Variants in ST6GAL1 observed in about 807,000 individuals in gnomAD.
The protein encoded by ST6GAL1 is beta-galactoside alpha-2,6-sialyltransferase 1.
Under a neutral mutation model 38.0 loss-of-function variants are expected in ST6GAL1, and 20 were observed. That is an observed-to-expected ratio of 0.53 (90% CI 0.37 to 0.77). The LOEUF (loss-of-function observed/expected upper bound fraction) is 0.77. ST6GAL1 is among the 30% of genes least tolerant of loss of function. ST6GAL1 has a pLI of 0.00. For synonymous variants in ST6GAL1, 196 were observed against 188.2 expected, an observed-to-expected ratio of 1.04 and a Z score of -0.34; for missense variants, 432 against 496.4, an observed-to-expected ratio of 0.87 and a Z score of 1.23.
chr3:187,026,988 G>T (rs1164670116), intron 2 of ST6GAL1, among the ~76,000 whole-genome samples: 1 of 151,852 alleles, frequency 6.6e-6, no homozygotes, highest in African/African-American at 2.4e-5. Flanking sequence ...GGCAGAGCTT[G>T]CAGTGAGCCG....
chr3:186,948,142 C>T (rs932488592), intron 1 of ST6GAL1, among the ~76,000 whole-genome samples: 3 of 152,118 alleles, frequency 2.0e-5, no homozygotes, highest in South Asian at 2.1e-4. Context: ...AGAGTTGCGT[C>T]GGGATGGCTG....
chr3:187,024,493 TAGAGAGAGAG>T lies in ST6GAL1; in HGVS notation c.-182-14228_-182-14219del, dbSNP rs61165191. On this transcript the variant is annotated intron_variant, in intron 2 of 7. Transcript: ENST00000169298. Reference sequence around the variant, plus strand: ...ATATGTGTATATATATATATATATATAGAGAGAGAGAGAGAGAGAGAGAGAGAGAGTATAT... The same window carrying T: ...ATATGTGTATATATATATATATATATAGAGAGAGAGAGAGAGAGAGTATAT... Among the ~76,000 whole-genome samples, 327 of 85,786 alleles carry T rather than the reference TAGAGAGAGAG, an allele frequency of 3.8e-3. 1 individual carries two copies. The highest frequency in any genetic ancestry group is 0.012 in the East Asian group (39 of 3,198). The allele number at this position is 85,786 out of a possible 152,430, so 56.3% of individuals were successfully genotyped here. A position where few individuals can be genotyped will look rare whatever the true frequency, so the allele number is the denominator to read the frequency against.
Position 186,952,783 on chromosome 3 carries a change from A to G in ST6GAL1, c.-324-11002A>G, listed in dbSNP as rs139726384. On this transcript the variant is annotated intron_variant, in intron 1 of 7. Coordinates refer to ENST00000169298, the MANE Select transcript of ST6GAL1 (RefSeq NM_173216.2). The surrounding 1 kb of genome is among the most constrained non-coding windows in gnomAD (Gnocchi z 4.1). ...TTTCCCCTGAGTTCCATGCTCAGAT[A>G]TTCAACCATCTACTTGACAAGTTTC... Among the ~76,000 whole-genome samples the G allele has an allele frequency of 6.6e-6, 1 of 152,264 alleles. No individual in the cohort carries two copies. The highest frequency in any genetic ancestry group is 2.4e-5 in the African/African-American group (1 of 41,558).
intron 1 of ST6GAL1, among the ~76,000 whole-genome samples, chr3:186,937,905 T>A (rs1193580271): frequency 6.6e-6 from 1 of 152,106 alleles, no homozygotes; most frequent in Non-Finnish European, 1.5e-5. Context: ...AAACCCTGTC[T>A]CTACCAAAAA....
At chr3:187,008,823 G>T (rs558051417) in intron 2 of ST6GAL1, among the ~76,000 whole-genome samples, 4 of 151,846 alleles carry the variant, frequency 2.6e-5, no homozygotes, top group African/African-American at 9.7e-5. Context: ...TTTTTTTTCT[G>T]TGAATATGCG....
At chr3:187,001,679 C>T (rs542359424) in intron 2 of ST6GAL1, among the ~76,000 whole-genome samples, 16 of 152,256 alleles carry the variant, frequency 1.1e-4, no homozygotes, top group East Asian at 1.9e-4. Flanking sequence ...AACAAACGGC[C>T]GGGCTCAGTG....
chr3:186,965,126 A>G (rs757446461), intron 2 of ST6GAL1, among the ~76,000 whole-genome samples: 12 of 152,064 alleles, frequency 7.9e-5, no homozygotes, highest in African/African-American at 1.2e-4. Context: ...GAGCCTTCGG[A>G]TTACTGACAC....
chr3:186,977,464 C>T (rs1481591240), intron 2 of ST6GAL1, among the ~76,000 whole-genome samples: 1 of 152,184 alleles, frequency 6.6e-6, no homozygotes, highest in Non-Finnish European at 1.5e-5. Flanking sequence ...TATTAATGCC[C>T]TTGCCGGGAA....
intron 4 of ST6GAL1, among the ~76,000 whole-genome samples, chr3:187,044,693 T>C (rs965360431): frequency 6.6e-6 from 1 of 152,230 alleles, no homozygotes. Context: ...AAGTTAATAT[T>C]GCGTGCCTGG....
At chr3:186,954,029 T>C (rs1579266965) in intron 1 of ST6GAL1, among the ~76,000 whole-genome samples, 1 of 152,152 alleles carries the variant, frequency 6.6e-6, no homozygotes, top group East Asian at 1.9e-4. Context: ...CCCCTCCCTG[T>C]GTCCATGTGT....
chr3:187,003,039 CA>C (rs1462951571), intron 2 of ST6GAL1, among the ~76,000 whole-genome samples: 1 of 152,210 alleles, frequency 6.6e-6, no homozygotes, highest in African/African-American at 2.4e-5. Context: ...CCAGGAGCAG[CA>C]ATGGTGCAGT....
At chr3:187,072,811 G>A in intron 5 of ST6GAL1, 38 bp from the exon 6 acceptor site, 2 of 1,555,420 alleles carry the variant, frequency 1.3e-6, no homozygotes. Context: ...ATTTGCATAT[G>A]AATGTTCAAG....
At chr3:186,970,872 T>C (rs1317467214) in intron 2 of ST6GAL1, among the ~76,000 whole-genome samples, 1 of 152,220 alleles carries the variant, frequency 6.6e-6, no homozygotes, top group Non-Finnish European at 1.5e-5. Flanking sequence ...ACAATTGTGT[T>C]CTGATTTTTG....
intron 2 of ST6GAL1, among the ~76,000 whole-genome samples, chr3:186,979,019 A>G (rs1715607895): frequency 6.6e-6 from 1 of 151,884 alleles, no homozygotes; most frequent in South Asian, 2.1e-4. Flanking sequence ...TTAGTTTTTA[A>G]TGCTTTACAT....
At chr3:186,985,152 G>A (rs922669141) in intron 2 of ST6GAL1, among the ~76,000 whole-genome samples, 2 of 151,810 alleles carry the variant, frequency 1.3e-5, no homozygotes, top group East Asian at 1.9e-4. Flanking sequence ...CAAGTGATCC[G>A]CCCACCTCAG....
chr3:187,043,100 A>C lies in ST6GAL1; in HGVS notation c.397A>C (p.Ile133Leu), dbSNP rs1404750320. The change falls in exon 4 of 8, where the codon ATC (isoleucine) becomes CTC (leucine). Residue 133 changes from isoleucine (I) to leucine (L), a missense_variant. Physicochemically the swap from Ile to Leu is conservative, Grantham distance 5 (BLOSUM62 2). Coordinates refer to ENST00000169298, the MANE Select transcript of ST6GAL1 (RefSeq NM_173216.2). ...KVSYKGPGPG[I>L]KFSAEALRCH... ...GTCCTACAAGGGGCCAGGACCAGGC[A>C]TCAAGTTCAGTGCAGAGGCCCTGCG... The C allele has an allele frequency of 6.2e-7, 1 of 1,614,122 alleles. No individual in the cohort carries two copies. Among genetic ancestry groups the C allele is most frequent in the African/African-American group, 1.3e-5 (1 of 74,938 alleles).
At chr3:186,947,696 G>T (rs986464240) in intron 1 of ST6GAL1, among the ~76,000 whole-genome samples, 3 of 152,144 alleles carry the variant, frequency 2.0e-5, no homozygotes, top group Non-Finnish European at 4.4e-5. Flanking sequence ...GTGGCCCCAG[G>T]CTACTTAATC....
chr3:187,064,040 G>A (rs937124671), intron 5 of ST6GAL1, among the ~76,000 whole-genome samples: 1 of 152,036 alleles, frequency 6.6e-6, no homozygotes, highest in African/African-American at 2.4e-5. Context: ...GCCTGTTTGC[G>A]AATGACTCCA....
intron 2 of ST6GAL1, among the ~76,000 whole-genome samples, chr3:186,993,820 A>G (rs17718970): frequency 0.22 from 33,334 of 152,090 alleles, 4,024 homozygotes; most frequent in Non-Finnish European, 0.27. Context: ...AACCCACAGC[A>G]TTACTCAGAA....
Sources: allele counts gnomAD v4.1 joint callset (sites outside exome capture counted in the v4.1 genomes callset), GRCh38; gene constraint gnomAD v4.1.1; non-coding constraint Gnocchi (gnomAD v3.1); transcripts MANE v1.5; gene names NCBI Gene and HGNC (gene_info 2026-07-23, HGNC 2026-07-21).